ABL2: variants seen among roughly 807,000 people sequenced by gnomAD.
The protein encoded by ABL2 is ABL proto-oncogene 2, non-receptor tyrosine kinase.
ABL2 carries 49 observed loss-of-function variants against 107.7 expected under a neutral mutation model. The observed-to-expected ratio is 0.45, with a 90% CI of 0.36 to 0.58. The LOEUF (loss-of-function observed/expected upper bound fraction) is 0.58, where lower values mean the gene tolerates loss of function less well. ABL2 is among the 20% of genes least tolerant of loss of function. The pLI is 0.00. For synonymous variants in ABL2, 549 were observed against 548.6 expected, an observed-to-expected ratio of 1.00 and a Z score of -0.01; for missense variants, 1,245 against 1,457.0, an observed-to-expected ratio of 0.85 and a Z score of 2.37.
At chr1:179,223,765 C>T (rs1663014125) in intron 1 of ABL2, among the ~76,000 whole-genome samples, 1 of 151,970 alleles carries the variant, frequency 6.6e-6, no homozygotes, top group South Asian at 2.1e-4. Flanking sequence ...TCACAACAGC[C>T]TTCCTGTGCT....
intron 1 of ABL2, chr1:179,184,490 G>A (rs1660570867): frequency 1.3e-6 from 1 of 794,730 alleles, no homozygotes; most frequent in Non-Finnish European, 2.1e-6. Context: ...TGTTAGGAAA[G>A]TTCATCAAAG....
intron 1 of ABL2, among the ~76,000 whole-genome samples, chr1:179,177,995 C>A: frequency 6.6e-6 from 1 of 152,124 alleles, no homozygotes; most frequent in Non-Finnish European, 1.5e-5. Context: ...TATGCCTATA[C>A]TAATATTTCT....
chr1:179,169,798 C>T (rs1026202914), intron 1 of ABL2, among the ~76,000 whole-genome samples: 14 of 152,020 alleles, frequency 9.2e-5, no homozygotes, highest in African/African-American at 3.4e-4. Context: ...AATCCCAATA[C>T]TTTGGGAGGC....
chr1:179,160,546 G>C lies in ABL2; in HGVS notation c.158-27172C>G, dbSNP rs553013513. On this transcript the variant is annotated intron_variant, in intron 1 of 11. Coordinates refer to ENST00000502732, the MANE Select transcript of ABL2 (RefSeq NM_007314.4). The stretch of plus-strand genomic sequence containing the variant: ...TCTAATTCTCGTAATAATCCTATCA[G>C]GTAAATAACTTGTCCAAGATTACAC... 2.6e-5 allele frequency among the ~76,000 whole-genome samples: 4 copies of C among 151,904 alleles called. No individual in the cohort carries two copies. The South Asian group carries it at 8.3e-4, about 32-fold the overall frequency.
intron 4 of ABL2, among the ~76,000 whole-genome samples, chr1:179,125,719 A>C (rs1407874353): frequency 6.6e-6 from 1 of 152,242 alleles, no homozygotes; most frequent in East Asian, 1.9e-4. Context: ...TAAGGTCACA[A>C]TCAGATCTGC....
rs1571343123 is a variant in ABL2 at position 179,220,010 on chromosome 1, T to C, written c.157+9231A>G. 2.0e-5 allele frequency among the ~76,000 whole-genome samples: 3 copies of C among 152,358 alleles called. No homozygotes were observed. The East Asian group carries it at 5.8e-4, about 29-fold the overall frequency. On this transcript the variant is annotated intron_variant, in intron 1 of 11. Transcript: ENST00000502732. Reference sequence around the variant, plus strand: ...TTATCACTTAATTATTTCAACAACCTGTTGTGAGGGATAAACCATGTACCA... The same window carrying C: ...TTATCACTTAATTATTTCAACAACCCGTTGTGAGGGATAAACCATGTACCA...
At chr1:179,205,041 T>G (rs989749422) in intron 1 of ABL2, among the ~76,000 whole-genome samples, 1 of 151,262 alleles carries the variant, frequency 6.6e-6, no homozygotes, top group Non-Finnish European at 1.5e-5. Flanking sequence ...TTTTTTTTTT[T>G]TTTGAGACTG....
intron 1 of ABL2, among the ~76,000 whole-genome samples, chr1:179,166,910 T>C (rs1029588061): frequency 3.9e-5 from 6 of 152,030 alleles, no homozygotes; most frequent in African/African-American, 1.4e-4. Context: ...TAACAGATGC[T>C]GGTAAGAATG....
At chr1:179,213,784 A>C (rs549282856) in intron 1 of ABL2, among the ~76,000 whole-genome samples, 1 of 150,270 alleles carries the variant, frequency 6.7e-6, no homozygotes, top group African/African-American at 2.4e-5. Flanking sequence ...CTGTGGTAAA[A>C]ATAACTAAAA....
At position 179,115,481 on chromosome 1, in the gene ABL2, A is replaced by T. The variant is rs28913873; in HGVS notation, c.1409-451T>A. 8.5e-3 allele frequency among the ~76,000 whole-genome samples: 1,293 copies of T among 152,320 alleles called. 45 individuals carry two copies. The highest frequency in any genetic ancestry group is 0.057 in the Admixed American group (872 of 15,290). On this transcript the variant is annotated intron_variant, in intron 8 of 11. Transcript: ENST00000502732. ...AAACAATTCTAAAGTTTTAAATTGC[A>T]TGCTGCCTTGAGTTGCATGATGAAC... is the stretch of plus-strand genomic sequence containing the variant.
At chr1:179,125,078 G>A (rs1174474508) in intron 4 of ABL2, among the ~76,000 whole-genome samples, 2 of 152,134 alleles carry the variant, frequency 1.3e-5, no homozygotes, top group Admixed American at 6.6e-5. Flanking sequence ...CTAGAGTAGG[G>A]GCCAGCAAAC....
In ABL2 at chr1:179,229,246, T is replaced by G; in HGVS notation, c.152A>C (p.Gln51Pro). The change falls in exon 1 of 12, where the codon CAG becomes CCG. Residue 51 changes from glutamine to proline, a missense_variant. Gln to Pro is a moderately conservative substitution (Grantham distance 76). Around this residue, in one of 3 missense-constraint regions of ABL2, gnomAD observed 164 missense variants for 143.7 expected, o/e 1.14. Transcript: ENST00000502732. ...TTETGFNIFT[Q>P]HDHFASCVED... ...CGGCTCCCAGACACACTCACCATGC[T>G]GGGTGAAGATATTGAAGCCGGTCTC... 1.4e-6 allele frequency: 2 copies of G among 1,401,492 alleles called. No homozygotes were observed. The highest frequency in any genetic ancestry group is 1.6e-5 in the African/African-American group (1 of 63,928). 86.8% of individuals were successfully genotyped at this position (1,401,492 alleles called of 1,614,324 possible).
intron 1 of ABL2, among the ~76,000 whole-genome samples, chr1:179,144,169 G>A (rs538556868): frequency 3.9e-5 from 6 of 152,120 alleles, no homozygotes; most frequent in Admixed American, 1.3e-4. Flanking sequence ...ATTAAAGAGC[G>A]TTTGTAGGCC....
chr1:179,200,411 T>C (rs769484185), intron 1 of ABL2, among the ~76,000 whole-genome samples: 1 of 152,182 alleles, frequency 6.6e-6, no homozygotes, highest in Non-Finnish European at 1.5e-5. Flanking sequence ...GAATAATATA[T>C]TTCTATACAG....
chr1:179,224,983 A>G (rs1406346921), intron 1 of ABL2, among the ~76,000 whole-genome samples: 2 of 152,164 alleles, frequency 1.3e-5, no homozygotes, highest in African/African-American at 4.8e-5. Flanking sequence ...CTACGATCGC[A>G]GCACTGCACT....
At chr1:179,130,133 G>T (rs1329136218) in intron 3 of ABL2, among the ~76,000 whole-genome samples, 1 of 152,118 alleles carries the variant, frequency 6.6e-6, no homozygotes, top group East Asian at 1.9e-4. Flanking sequence ...GTAGAGATGG[G>T]GTTTCACCGT....
rs1295573434 is a variant in ABL2, at chr1:179,102,327, T to C, written c.*5391A>G. 5.1e-6 allele frequency: 1 copy of C among 194,468 alleles called. No individual in the cohort carries two copies. The highest frequency in any genetic ancestry group is 1.1e-5 in the Non-Finnish European group (1 of 93,322). 12.0% of individuals were successfully genotyped at this position (194,468 alleles called of 1,614,324 possible). On this transcript the variant is annotated 3_prime_UTR_variant, in exon 12 of 12. Coordinates refer to ENST00000502732, the MANE Select transcript of ABL2 (RefSeq NM_007314.4). ...CACCCGGCCAGAATTTCTTTAAGTC[T>C]AGTAGTTGGAAAACCAGAACTCTAT...
chr1:179,125,882 C>A (rs1655680136), intron 4 of ABL2, among the ~76,000 whole-genome samples: 1 of 152,224 alleles, frequency 6.6e-6, no homozygotes, highest in South Asian at 2.1e-4. Flanking sequence ...TGTAACACAT[C>A]CATTCTAACT....
intron 4 of ABL2, among the ~76,000 whole-genome samples, chr1:179,122,351 C>G (rs933778988): frequency 4.0e-5 from 6 of 151,406 alleles, no homozygotes; most frequent in African/African-American, 1.2e-4. Context: ...AAACGCCAGC[C>G]TCAAGCAATC....
Sources: gnomAD v4.1 joint callset for allele counts (sites outside exome capture counted in the v4.1 genomes callset) on GRCh38, gnomAD v4.1.1 for gene constraint, gnomAD v4.1.1 regional missense constraint, MANE v1.5 for transcripts, NCBI Gene and HGNC (gene_info 2026-07-23, HGNC 2026-07-21) for gene names.